Variants in EIF5 observed in about 807,000 individuals in gnomAD.
EIF5 encodes eukaryotic translation initiation factor 5.
In EIF5, 10 loss-of-function variants were observed where a neutral mutation model predicts 48.3. That is an observed-to-expected ratio of 0.21 (90% CI 0.13 to 0.35). The LOEUF is 0.35. Among genes scored for constraint, EIF5 ranks in the 10% least tolerant of loss-of-function variants. EIF5 has a pLI of 1.00. For missense variants in EIF5, 397 were observed against 533.2 expected, an observed-to-expected ratio of 0.74 and a Z score of 2.51; for synonymous variants, 237 against 173.1, an observed-to-expected ratio of 1.37 and a Z score of -2.90.
At chr14:103,337,270 A>C (rs774077300) in intron 6 of EIF5, 43 bp downstream of exon 6, 3 of 1,516,108 alleles carry the variant, frequency 2.0e-6, no homozygotes, top group Non-Finnish European at 2.7e-6. Context: ...AAGATAAGTT[A>C]CTAACTGTTG....
Position 103,344,194 on chromosome 14 carries a change from G to A in EIF5, c.*3142G>A, listed in dbSNP as rs1174542118. ...TCATTGTAGGTTTGTGCACCAGAGT[G>A]ACCCTGTGAGCCTTTGTTAATAGGT... is the stretch of plus-strand genomic sequence containing the variant. On this transcript the variant is annotated 3_prime_UTR_variant, in exon 12 of 12. Transcript: ENST00000216554. The A allele has an allele frequency of 6.6e-6, 1 of 152,186 alleles. No individual in the cohort carries two copies. Among genetic ancestry groups the A allele is most frequent in the African/African-American group, 2.4e-5 (1 of 41,432 alleles). 9.4% of individuals were successfully genotyped at this position (152,186 alleles called of 1,614,324 possible). A position where few individuals can be genotyped will look rare whatever the true frequency, so the allele number is the denominator to read the frequency against.
chr14:103,337,255 A>AT, intron 6 of EIF5, 28 bp downstream of exon 6: 2 of 1,555,660 alleles, frequency 1.3e-6, no homozygotes, highest in Non-Finnish European at 1.8e-6. Flanking sequence ...AACTCCTAAG[A>AT]TCCTAAGATA....
rs531716304 is a variant in EIF5 at position 103,340,318 on chromosome 14, A to T, written c.1072-109A>T. Reference sequence around the variant, plus strand: ...CTGAGTACATTGATTCTGTTTGAGGATTCAGACTTGTTAGGACCCAGTCCC... The same window carrying T: ...CTGAGTACATTGATTCTGTTTGAGGTTTCAGACTTGTTAGGACCCAGTCCC... On this transcript the variant is annotated intron_variant, in intron 10 of 11. Transcript: ENST00000216554. 7 of 1,209,596 alleles carry T rather than the reference A, an allele frequency of 5.8e-6. No individual in the cohort carries two copies. In the African/African-American group the frequency reaches 1.1e-4, roughly 18 times the overall value. 74.9% of individuals were successfully genotyped at this position (1,209,596 alleles called of 1,614,324 possible).
In EIF5 at chr14:103,334,708, G is replaced by GCGGGCC. The variant is rs1443769960; in HGVS notation, c.-209+117_-209+122dup. On this transcript the variant is annotated intron_variant, in intron 2 of 11. Coordinates refer to ENST00000216554, the MANE Select transcript of EIF5 (RefSeq NM_001969.5). Reference sequence around the variant, plus strand: ...CAGTTTGGGCGGACGGCGGGCGGGCGCGGGCCCGGGCGCCGGCCGCCCCCT... The same window carrying GCGGGCC: ...CAGTTTGGGCGGACGGCGGGCGGGCGCGGGCCCGGGCCCGGGCGCCGGCCGCCCCCT... The GCGGGCC allele has an allele frequency of 4.8e-5, 7 of 145,396 alleles. No homozygotes were observed. The East Asian group carries it at 7.9e-4, about 16-fold the overall frequency. The allele number at this position is 145,396 out of a possible 1,614,324, so 9.0% of individuals were successfully genotyped here. A position where few individuals can be genotyped will look rare whatever the true frequency, so the allele number is the denominator to read the frequency against.
At chr14:103,336,155 G>GGATAGA (rs762680817) in intron 4 of EIF5, 38 bp downstream of exon 4, 2 of 1,588,762 alleles carry the variant, frequency 1.3e-6, no homozygotes, top group African/African-American at 2.7e-5. Context: ...GGCATATTAT[G>GGATAGA]GATAGAGTCT....
At position 103,342,550 on chromosome 14, in the gene EIF5, GATA is replaced by G. The variant is rs1414243590; in HGVS notation, c.*1501_*1503del. On this transcript the variant is annotated 3_prime_UTR_variant, in exon 12 of 12. Coordinates refer to ENST00000216554, the MANE Select transcript of EIF5 (RefSeq NM_001969.5). ...TCTGTTTTTTTGTGATTATTTCACA[GATA>G]ATGAGACCTTAATAACAAATAGGCG... 3 of 152,270 alleles carry G rather than the reference GATA, an allele frequency of 2.0e-5. No individual in the cohort carries two copies. The highest frequency in any genetic ancestry group is 4.4e-5 in the Non-Finnish European group (3 of 68,036). The allele number at this position is 152,270 out of a possible 1,614,324, so 9.4% of individuals were successfully genotyped here.
At position 103,336,128 on chromosome 14, in the gene EIF5, C is replaced by CT; in HGVS notation, c.154+13dup. The CT allele has an allele frequency of 1.2e-6, 2 of 1,613,382 alleles. No individual in the cohort carries two copies. Among genetic ancestry groups the CT allele is most frequent in the Non-Finnish European group, 1.7e-6 (2 of 1,179,550 alleles). The stretch of plus-strand genomic sequence containing the variant: ...ATCGGCCTCCAACGTGTAAGTAAAG[C>CT]TTGGAAAAGTCCACAGGGCATATTA... On this transcript the variant is annotated intron_variant, in intron 4 of 11. Coordinates refer to ENST00000216554, the MANE Select transcript of EIF5 (RefSeq NM_001969.5).
Position 103,339,176 on chromosome 14 carries a change from A to G in EIF5, c.749A>G (p.Lys250Arg). The G allele has an allele frequency of 1.9e-6, 3 of 1,598,834 alleles. No individual in the cohort carries two copies. The highest frequency in any genetic ancestry group is 2.6e-6 in the Non-Finnish European group (3 of 1,176,228). Residue 250 changes from lysine to arginine, a missense_variant, in exon 9 of 12, where the codon AAG (lysine) becomes AGG (arginine). Physicochemically the swap from Lys to Arg is conservative, Grantham distance 26. Coordinates refer to ENST00000216554, the MANE Select transcript of EIF5 (RefSeq NM_001969.5). Reference sequence around the variant, plus strand: ...TTGTTTTCCTTTTCTTTGCAGAAAAAGAAAGAAGAGGGTGTTATTGATTCA... The same window carrying G: ...TTGTTTTCCTTTTCTTTGCAGAAAAGGAAAGAAGAGGGTGTTATTGATTCA... ...VNILFDFVKK[K>R]KEEGVIDSSD...
intron 2 of EIF5, 42 bp from the exon 3 acceptor site, chr14:103,335,611 A>G: frequency 1.8e-6 from 1 of 551,888 alleles, no homozygotes; most frequent in Non-Finnish European, 3.2e-6. Context: ...ATGATGTTAA[A>G]CCTGGGGGGA....
In EIF5 at chr14:103,335,696, A is replaced by G; in HGVS notation, c.-165A>G. On this transcript the variant is annotated 5_prime_UTR_variant, in exon 3 of 12. Coordinates refer to ENST00000216554, the MANE Select transcript of EIF5 (RefSeq NM_001969.5). ...GGTACCTGTATTGGGGAAACATAGC[A>G]TACAAGCAAGAAGCTTACAGCCTCA... 1.5e-6 allele frequency: 1 copy of G among 657,732 alleles called. No individual in the cohort carries two copies. The highest frequency in any genetic ancestry group is 1.8e-5 in the African/African-American group (1 of 54,938). The allele number at this position is 657,732 out of a possible 1,614,324, so 40.7% of individuals were successfully genotyped here. A position where few individuals can be genotyped will look rare whatever the true frequency, so the allele number is the denominator to read the frequency against.
intron 10 of EIF5, 78 bp downstream of exon 10, chr14:103,339,881 C>CG: frequency 6.7e-7 from 1 of 1,484,054 alleles, no homozygotes; most frequent in Middle Eastern, 2.2e-4. Flanking sequence ...TTTTTGGAGA[C>CG]GGAGTCTCAT....
rs1460496413 is a variant in EIF5, at chr14:103,342,188, C to T, written c.*1136C>T. 6.6e-6 allele frequency: 1 copy of T among 152,266 alleles called. No homozygotes were observed. Among genetic ancestry groups the T allele is most frequent in the African/African-American group, 2.4e-5 (1 of 41,290 alleles). The allele number at this position is 152,266 out of a possible 1,614,324, so 9.4% of individuals were successfully genotyped here. On this transcript the variant is annotated 3_prime_UTR_variant, in exon 12 of 12. Coordinates refer to ENST00000216554, the MANE Select transcript of EIF5 (RefSeq NM_001969.5). Reference sequence around the variant, plus strand: ...TCTTATTTAAAAAGAAAGCTAAAAGCATACTTCTAAGTCAGAGCCTCTATT... The same window carrying T: ...TCTTATTTAAAAAGAAAGCTAAAAGTATACTTCTAAGTCAGAGCCTCTATT...
intron 6 of EIF5, chr14:103,337,787 A>G (rs1595363522): frequency 4.3e-6 from 2 of 461,222 alleles, no homozygotes; most frequent in Non-Finnish European, 8.5e-6. Flanking sequence ...GAAACCCAGC[A>G]AAGTTTCTTT....
chr14:103,339,585 T>C, intron 9 of EIF5, 54 bp from the exon 10 acceptor site: 1 of 1,610,952 alleles, frequency 6.2e-7, no homozygotes, highest in Non-Finnish European at 8.5e-7. Context: ...GTAATAGAGT[T>C]GTCAACTTAG....
Position 103,339,161 on chromosome 14 carries a change from TTTC to T in EIF5, c.745-8_745-6del, listed in dbSNP as rs1566722375. On this transcript the variant is annotated splice_region_variant and splice_polypyrimidine_tract_variant and intron_variant, in intron 8 of 11. Coordinates refer to ENST00000216554, the MANE Select transcript of EIF5 (RefSeq NM_001969.5). ...CTCCATTGCACTGAATTGTTTTCCT[TTTC>T]TTTGCAGAAAAAGAAAGAAGAGGGT... 1.2e-6 allele frequency: 2 copies of T among 1,600,242 alleles called. No homozygotes were observed. The highest frequency in any genetic ancestry group is 2.3e-5 in the South Asian group (2 of 88,210).
rs144699320 is a variant in EIF5, at chr14:103,340,469, C to A, written c.1114C>A (p.Arg372Ser). 9.3e-6 allele frequency: 15 copies of A among 1,608,898 alleles called. No homozygotes were observed. The highest frequency in any genetic ancestry group is 1.3e-5 in the African/African-American group (1 of 74,826). ...YVSKELAKEI[R>S]VKAEPFIKWL... is the part of the protein sequence containing the mutation. ...CTCCAAAGAACTTGCCAAAGAGATTCGTGTCAAAGCAGAACCATTTATAAA... is the reference window on the plus strand; with the variant it reads ...CTCCAAAGAACTTGCCAAAGAGATTAGTGTCAAAGCAGAACCATTTATAAA... Residue 372 changes from arginine (R) to serine (S), a missense_variant, in exon 11 of 12, where the codon CGT becomes AGT. Physicochemically the swap from Arg to Ser is moderately radical, Grantham distance 110. This residue lies in a region of EIF5 where 160 missense variants were observed against 184.8 expected (regional missense o/e 0.87). Transcript: ENST00000216554.
intron 7 of EIF5, 33 bp downstream of exon 7, chr14:103,338,505 A>G (rs1338925204): frequency 6.5e-7 from 1 of 1,543,902 alleles, no homozygotes; most frequent in Non-Finnish European, 8.7e-7. Flanking sequence ...AGTGGGCACT[A>G]AAGTTGTGTA....
chr14:103,335,472 T>C, intron 2 of EIF5, 181 bp from the exon 3 acceptor site: 1 of 193,666 alleles, frequency 5.2e-6, no homozygotes. Flanking sequence ...ATGGAGGCCT[T>C]TTTATGTTCC....
In EIF5 at chr14:103,336,798, C is replaced by T. The variant is rs775556670; in HGVS notation, c.276C>T (p.Phe92=). ...AGCTGCAAGACATGTTGGATGGATT[C>T]ATTAAAAAATTTGTTCTCTGTCCTG... The part of the protein sequence containing the change: ...ANKLQDMLDG[F]IKKFVLCPEC... Residue 92 remains phenylalanine (F), a synonymous_variant, in exon 5 of 12, where the codon TTC becomes TTT. Transcript: ENST00000216554. 2 of 1,613,980 alleles carry T rather than the reference C, an allele frequency of 1.2e-6. No homozygotes were observed. Among genetic ancestry groups the T allele is most frequent in the Admixed American group, 3.3e-5 (2 of 59,984 alleles).
Sources: allele counts gnomAD v4.1 joint callset, GRCh38; gene constraint gnomAD v4.1.1; regional missense constraint gnomAD v4.1.1; transcripts MANE v1.5; gene names NCBI Gene and HGNC (gene_info 2026-07-23, HGNC 2026-07-21).